Variants in NPBWR1 observed in about 807,000 individuals in gnomAD.
The protein encoded by NPBWR1 is neuropeptides B/W receptor type 1.
Under a neutral mutation model 2.8 loss-of-function variants are expected in NPBWR1, and 4 were observed. The observed-to-expected ratio is 1.44, with a 90% CI of 0.71 to 3.29. The LOEUF (loss-of-function observed/expected upper bound fraction) is 3.29, where lower values mean the gene tolerates loss of function less well. NPBWR1 is among the 30% of genes most tolerant of loss of function. The pLI is 0.01. For synonymous variants in NPBWR1, 250 were observed against 224.5 expected, an observed-to-expected ratio of 1.11 and a Z score of -1.02; for missense variants, 545 against 462.5, an observed-to-expected ratio of 1.18 and a Z score of -1.64.
At position 52,939,834 on chromosome 8, in the gene NPBWR1, G is replaced by A. The variant is rs1404253437; in HGVS notation, c.-74G>A. Reference sequence around the variant, plus strand: ...CCGCGAGCAGGTCCGTGCAGAACCGGGCTTCAGGACCGCTGAGCTCCGTAG... The same window carrying A: ...CCGCGAGCAGGTCCGTGCAGAACCGAGCTTCAGGACCGCTGAGCTCCGTAG... On this transcript the variant is annotated 5_prime_UTR_variant, in exon 2 of 2. Transcript: ENST00000674939. 42 of 1,424,556 alleles carry A rather than the reference G, an allele frequency of 2.9e-5. No homozygotes were observed. The highest frequency in any genetic ancestry group is 3.8e-5 in the Non-Finnish European group (41 of 1,087,832). The allele number at this position is 1,424,556 out of a possible 1,614,324, so 88.2% of individuals were successfully genotyped here.
rs780207150 is a variant in NPBWR1 at position 52,940,752 on chromosome 8, C to A, written c.845C>A (p.Thr282Lys). The A allele has an allele frequency of 6.2e-7, 1 of 1,613,930 alleles. No individual in the cohort carries two copies. The highest frequency in any genetic ancestry group is 8.5e-7 in the Non-Finnish European group (1 of 1,180,008). The change falls in exon 2 of 2, where the codon ACG becomes AAG. Residue 282 changes from threonine (T) to lysine (K), a missense_variant. By Grantham distance (78) the Thr-to-Lys change is moderately conservative. Coordinates refer to ENST00000674939, the MANE Select transcript of NPBWR1 (RefSeq NM_005285.5). ...GCGCTCACCACCGACCTCCCGCAGA[C>A]GCCGCTGGTCATCGCTATCTCCTAC... Reference protein sequence around the residue: ...VVALTTDLPQTPLVIAISYFI... With the variant: ...VVALTTDLPQKPLVIAISYFI...
chr8:52,939,674 C>G (rs1402786767), intron 1 of NPBWR1, 37 bp from the exon 2 acceptor site: 20 of 472,730 alleles, frequency 4.2e-5, no homozygotes. Context: ...AGTTACACGT[C>G]GACGAACTAA....
rs748699066 is a variant in NPBWR1 at position 52,939,901 on chromosome 8, C to CG, written c.-6dup. 3.3e-6 allele frequency: 5 copies of CG among 1,529,066 alleles called. No individual in the cohort carries two copies. The African/African-American group carries it at 6.9e-5, about 21-fold the overall frequency. 94.7% of individuals were successfully genotyped at this position (1,529,066 alleles called of 1,614,324 possible). The stretch of plus-strand genomic sequence containing the variant: ...GCCAGGTCGCCGGCTCCTCTGCCCT[C>CG]GTTGAGATGGACAACGCCTCGTTCT... On this transcript the variant is annotated 5_prime_UTR_variant, in exon 2 of 2. Transcript: ENST00000674939.
chr8:52,943,631 T>C lies in NPBWR1; in HGVS notation c.*2737T>C, dbSNP rs1261816583. Among the ~76,000 whole-genome samples, 4 of 152,282 alleles carry C rather than the reference T, an allele frequency of 2.6e-5. No homozygotes were observed. The highest frequency in any genetic ancestry group is 2.6e-4 in the Admixed American group (4 of 15,288). ...GCTTTTACTTAATTTAGTGCAGTTA[T>C]GTAATGTGTATGCTTATGTTTTCTC... On this transcript the variant is annotated 3_prime_UTR_variant, in exon 2 of 2. Transcript: ENST00000674939.
intron 1 of NPBWR1, 64 bp from the exon 2 acceptor site, chr8:52,939,647 A>C: frequency 6.3e-4 from 246 of 390,524 alleles, no homozygotes; most frequent in East Asian, 6.9e-4. Context: ...CCTCCTCGGG[A>C]CCGCGCCTAT....
Position 52,940,190 on chromosome 8 carries a change from G to A in NPBWR1, c.283G>A (p.Ala95Thr). Reference protein sequence around the residue: ...LFTLVLPINIADFLLRQWPFG... With the variant: ...LFTLVLPINITDFLLRQWPFG... ...CACGCTGGTGCTGCCCATCAACATC[G>A]CCGACTTCCTGCTGCGGCAGTGGCC... Residue 95 changes from alanine to threonine, a missense_variant, in exon 2 of 2, where the codon GCC (alanine) becomes ACC (threonine). Transcript: ENST00000674939. 1 of 1,613,662 alleles carries A rather than the reference G, an allele frequency of 6.2e-7. No individual in the cohort carries two copies. The highest frequency in any genetic ancestry group is 8.5e-7 in the Non-Finnish European group (1 of 1,179,960).
Position 52,940,728 on chromosome 8 carries a change from C to T in NPBWR1, c.821C>T (p.Ala274Val), listed in dbSNP as rs1860182340. The T allele has an allele frequency of 1.2e-6, 2 of 1,613,654 alleles. No individual in the cohort carries two copies. The highest frequency in any genetic ancestry group is 1.1e-5 in the South Asian group (1 of 91,070). ...WTPYHLSTVV[A>V]LTTDLPQTPL... ...CCCTACCACCTGAGCACCGTGGTGG[C>T]GCTCACCACCGACCTCCCGCAGACG... Residue 274 changes from alanine (A) to valine (V), a missense_variant, in exon 2 of 2, where the codon GCG becomes GTG. Physicochemically the swap from Ala to Val is moderately conservative, Grantham distance 64. Coordinates refer to ENST00000674939, the MANE Select transcript of NPBWR1 (RefSeq NM_005285.5).
At position 52,940,883 on chromosome 8, in the gene NPBWR1, G is replaced by A. The variant is rs1426737151; in HGVS notation, c.976G>A (p.Ala326Thr). ...RNLRQLITCR[A>T]AA ...CCTCCGCCAGCTGATAACTTGCCGC[G>A]CGGCAGCCTGACTCCCCCAGCGTCC... The change falls in exon 2 of 2, where the codon GCG becomes ACG. Residue 326 changes from alanine to threonine, a missense_variant. Coordinates refer to ENST00000674939, the MANE Select transcript of NPBWR1 (RefSeq NM_005285.5). 1.2e-6 allele frequency: 2 copies of A among 1,600,982 alleles called. No individual in the cohort carries two copies. Among genetic ancestry groups the A allele is most frequent in the Admixed American group, 1.7e-5 (1 of 59,572 alleles).
Position 52,941,638 on chromosome 8 carries a change from G to A in NPBWR1, c.*744G>A, listed in dbSNP as rs765232888. On this transcript the variant is annotated 3_prime_UTR_variant, in exon 2 of 2. Coordinates refer to ENST00000674939, the MANE Select transcript of NPBWR1 (RefSeq NM_005285.5). ...GCTTGGCAGTGACTGCCTAGAATAT[G>A]ATACGAATAGTGATCCTTCTTTCTG... 6.6e-6 allele frequency among the ~76,000 whole-genome samples: 1 copy of A among 152,266 alleles called. No homozygotes were observed. Among genetic ancestry groups the A allele is most frequent in the Non-Finnish European group, 1.5e-5 (1 of 68,052 alleles).
chr8:52,940,859 C>T lies in NPBWR1; in HGVS notation c.952C>T (p.Leu318Phe). 1.2e-6 allele frequency: 2 copies of T among 1,611,858 alleles called. No homozygotes were observed. The highest frequency in any genetic ancestry group is 1.7e-6 in the Non-Finnish European group (2 of 1,178,932). ...AFLDASFRRN[L>F]RQLITCRAAA ...CCTGGACGCCAGCTTCCGCAGGAAC[C>T]TCCGCCAGCTGATAACTTGCCGCGC... The change falls in exon 2 of 2, where the codon CTC becomes TTC. Residue 318 changes from leucine to phenylalanine, a missense_variant. Transcript: ENST00000674939.
At position 52,942,684 on chromosome 8, in the gene NPBWR1, GA is replaced by G. The variant is rs1249547664; in HGVS notation, c.*1792del. Among the ~76,000 whole-genome samples, 2 of 152,160 alleles carry G rather than the reference GA, an allele frequency of 1.3e-5. No homozygotes were observed. Among genetic ancestry groups the G allele is most frequent in the African/African-American group, 2.4e-5 (1 of 41,432 alleles). ...AGCAAACCCCCTCTCTAATTTTGGTGAATAAGAATTGCTTTCTTAGCTCTCA... is the reference window on the plus strand; with the variant it reads ...AGCAAACCCCCTCTCTAATTTTGGTGATAAGAATTGCTTTCTTAGCTCTCA... On this transcript the variant is annotated 3_prime_UTR_variant, in exon 2 of 2. Transcript: ENST00000674939.
At position 52,939,812 on chromosome 8, in the gene NPBWR1, C is replaced by T. The variant is rs1585511435; in HGVS notation, c.-96C>T. 3.8e-6 allele frequency: 5 copies of T among 1,331,566 alleles called. No individual in the cohort carries two copies. Among genetic ancestry groups the T allele is most frequent in the Non-Finnish European group, 4.9e-6 (5 of 1,010,530 alleles). 82.5% of individuals were successfully genotyped at this position (1,331,566 alleles called of 1,614,324 possible). A position where few individuals can be genotyped will look rare whatever the true frequency, so the allele number is the denominator to read the frequency against. On this transcript the variant is annotated 5_prime_UTR_variant, in exon 2 of 2. Transcript: ENST00000674939. ...CTTGGAGAGCTGAAACGAGCGTCCGCGAGCAGGTCCGTGCAGAACCGGGCT... is the reference window on the plus strand; with the variant it reads ...CTTGGAGAGCTGAAACGAGCGTCCGTGAGCAGGTCCGTGCAGAACCGGGCT...
chr8:52,940,206 G>A lies in NPBWR1; in HGVS notation c.299G>A (p.Arg100Gln), dbSNP rs766483810. 1.2e-5 allele frequency: 19 copies of A among 1,613,810 alleles called. No homozygotes were observed. The highest frequency in any genetic ancestry group is 1.6e-5 in the Non-Finnish European group (19 of 1,179,996). The part of the protein sequence containing the change: ...LPINIADFLL[R>Q]QWPFGELMCK... ...ATCAACATCGCCGACTTCCTGCTGCGGCAGTGGCCCTTCGGGGAGCTCATG... is the reference window on the plus strand; with the variant it reads ...ATCAACATCGCCGACTTCCTGCTGCAGCAGTGGCCCTTCGGGGAGCTCATG... Residue 100 changes from arginine to glutamine, a missense_variant, in exon 2 of 2, where the codon CGG becomes CAG. Physicochemically the swap from Arg to Gln is conservative, Grantham distance 43. Transcript: ENST00000674939.
Position 52,939,771 on chromosome 8 carries a change from A to G in NPBWR1, c.-137A>G. 1 of 1,036,130 alleles carries G rather than the reference A, an allele frequency of 9.7e-7. No individual in the cohort carries two copies. The highest frequency in any genetic ancestry group is 1.3e-6 in the Non-Finnish European group (1 of 747,148). 64.2% of individuals were successfully genotyped at this position (1,036,130 alleles called of 1,614,324 possible). ...GGCTGGGAACGGTCCCCTCCTCCGGAAAAACCAGAGAACGGCTTGGAGAGC... is the reference window on the plus strand; with the variant it reads ...GGCTGGGAACGGTCCCCTCCTCCGGGAAAACCAGAGAACGGCTTGGAGAGC... On this transcript the variant is annotated 5_prime_UTR_variant, in exon 2 of 2. Coordinates refer to ENST00000674939, the MANE Select transcript of NPBWR1 (RefSeq NM_005285.5).
intron 1 of NPBWR1, 132 bp downstream of exon 1, chr8:52,939,498 G>T (rs775051775): frequency 3.4e-5 from 6 of 177,374 alleles, no homozygotes; most frequent in Non-Finnish European, 7.0e-5. Flanking sequence ...GGGGAGAAGG[G>T]TTTGCATTTT....
rs148401487 is a variant in NPBWR1, at chr8:52,940,673, A to G, written c.766A>G (p.Ile256Val). Residue 256 changes from isoleucine to valine, a missense_variant, in exon 2 of 2, where the codon ATC becomes GTC. By Grantham distance (29) the Ile-to-Val change is conservative. Coordinates refer to ENST00000674939, the MANE Select transcript of NPBWR1 (RefSeq NM_005285.5). ...GCGGGTGACCTTCCTGGTGGTGGCA[A>G]TCCTGGCGGTGTGCCTCCTCTGCTG... ...KKRVTFLVVAILAVCLLCWTP... is the reference protein window; with the variant it reads ...KKRVTFLVVAVLAVCLLCWTP... The G allele has an allele frequency of 6.2e-7, 1 of 1,612,352 alleles. No individual in the cohort carries two copies. Among genetic ancestry groups the G allele is most frequent in the South Asian group, 1.1e-5 (1 of 91,030 alleles).
rs370979239 is a variant in NPBWR1, at chr8:52,942,713, G to A, written c.*1819G>A. On this transcript the variant is annotated 3_prime_UTR_variant, in exon 2 of 2. Transcript: ENST00000674939. Reference sequence around the variant, plus strand: ...AAGAATTGCTTTCTTAGCTCTCAGAGTTTTTAGGAACATTGAAATAATTCA... The same window carrying A: ...AAGAATTGCTTTCTTAGCTCTCAGAATTTTTAGGAACATTGAAATAATTCA... Among the ~76,000 whole-genome samples, 5 of 152,252 alleles carry A rather than the reference G, an allele frequency of 3.3e-5. No homozygotes were observed. The East Asian group carries it at 7.7e-4, about 24-fold the overall frequency.
In NPBWR1 at chr8:52,940,167, C is replaced by G. The variant is rs1384343664; in HGVS notation, c.260C>G (p.Thr87Arg). 6.2e-7 allele frequency: 1 copy of G among 1,613,510 alleles called. No homozygotes were observed. Among genetic ancestry groups the G allele is most frequent in the East Asian group, 2.2e-5 (1 of 44,880 alleles). ...LNLAIADELF[T>R]LVLPINIADF... is the part of the protein sequence containing the mutation. The stretch of plus-strand genomic sequence containing the variant: ...CTGGCCATCGCCGACGAGCTCTTCA[C>G]GCTGGTGCTGCCCATCAACATCGCC... The change falls in exon 2 of 2, where the codon ACG becomes AGG. Residue 87 changes from threonine to arginine, a missense_variant. Transcript: ENST00000674939.
In NPBWR1 at chr8:52,940,649, C is replaced by T. The variant is rs1286266756; in HGVS notation, c.742C>T (p.Arg248Trp). Reference sequence around the variant, plus strand: ...CAAGGCCCTGGAGCGCGCCAAGAAGCGGGTGACCTTCCTGGTGGTGGCAAT... The same window carrying T: ...CAAGGCCCTGGAGCGCGCCAAGAAGTGGGTGACCTTCCTGGTGGTGGCAAT... ...HAKALERAKK[R>W]VTFLVVAILA... Residue 248 changes from arginine (R) to tryptophan (W), a missense_variant, in exon 2 of 2, where the codon CGG (arginine) becomes TGG (tryptophan). Arg to Trp is a moderately radical substitution (Grantham distance 101, BLOSUM62 -3). Transcript: ENST00000674939. The T allele has an allele frequency of 1.9e-6, 3 of 1,610,970 alleles. No homozygotes were observed. The highest frequency in any genetic ancestry group is 1.7e-5 in the Admixed American group (1 of 59,844).
Sources: gnomAD v4.1 joint callset for allele counts (sites outside exome capture counted in the v4.1 genomes callset) on GRCh38, gnomAD v4.1.1 for gene constraint, MANE v1.5 for transcripts, NCBI Gene and HGNC (gene_info 2026-07-23, HGNC 2026-07-21) for gene names.